Variants in SHOC2 observed in about 807,000 individuals in gnomAD.
SHOC2 encodes the protein SHOC2 leucine rich repeat scaffold protein.
A neutral mutation model predicts 50.2 loss-of-function variants in SHOC2; 4 were observed. The observed-to-expected ratio is 0.08, with a 90% CI of 0.04 to 0.18. The LOEUF (loss-of-function observed/expected upper bound fraction) is 0.18. SHOC2 is among the 10% of genes least tolerant of loss of function. SHOC2 has a pLI of 1.00. For synonymous variants in SHOC2, 218 were observed against 244.5 expected (o/e 0.89, Z 1.01); for missense variants, 388 against 669.6 (o/e 0.58, Z 4.64).
chr10:110,962,565 A>G (rs1847592506), intron 1 of SHOC2, among the ~76,000 whole-genome samples: 1 of 152,166 alleles, frequency 6.6e-6, no homozygotes, highest in Non-Finnish European at 1.5e-5. Context: ...CTTATATACC[A>G]GTAAAGTTCA....
At chr10:110,984,176 A>G (rs1311042935) in intron 2 of SHOC2, among the ~76,000 whole-genome samples, 1 of 152,012 alleles carries the variant, frequency 6.6e-6, no homozygotes, top group Non-Finnish European at 1.5e-5. Context: ...GTTATTTTCT[A>G]TTTTTTGATA....
intron 1 of SHOC2, among the ~76,000 whole-genome samples, chr10:110,923,291 C>T (rs1846691345): frequency 6.6e-6 from 1 of 151,888 alleles, no homozygotes; most frequent in South Asian, 2.1e-4. Flanking sequence ...ATAGAGTGTT[C>T]TTAAAAGTGT....
intron 1 of SHOC2, among the ~76,000 whole-genome samples, chr10:110,954,454 A>G (rs142302177): frequency 7.5e-4 from 114 of 152,320 alleles, no homozygotes; most frequent in Non-Finnish European, 1.4e-3. Context: ...TTTGCAGCAG[A>G]TTCTCAAGTC....
upstream of SHOC2, chr10:110,919,520 TGGCGGGGCG>T (rs1388495056): frequency 1.7e-5 from 2 of 117,702 alleles, no homozygotes; most frequent in South Asian, 4.0e-4. Context: ...GCGAGAGTAG[TGGCGGGGCG>T]GGCGGGGCGG....
At chr10:110,979,293 G>A (rs1847930499) in intron 2 of SHOC2, among the ~76,000 whole-genome samples, 1 of 152,232 alleles carries the variant, frequency 6.6e-6, no homozygotes, top group Non-Finnish European at 1.5e-5. Context: ...ATCAAAGCGT[G>A]TAAGCTAAGA....
intron 2 of SHOC2, among the ~76,000 whole-genome samples, chr10:110,969,911 A>G (rs926800642): frequency 3.9e-5 from 6 of 152,172 alleles, no homozygotes. Flanking sequence ...ATAATGAGAA[A>G]TAATAATTGT....
Position 110,994,989 on chromosome 10 carries a change from A to G in SHOC2, c.842-5426A>G, listed in dbSNP as rs186993724. ...ACCAGATGAACATATATATTTTTCA[A>G]TTATGTCCAATAAAGTCTGTGTTTC... is the stretch of plus-strand genomic sequence containing the variant. On this transcript the variant is annotated intron_variant, in intron 3 of 8. Transcript: ENST00000369452. Among the ~76,000 whole-genome samples the G allele has an allele frequency of 5.9e-5, 9 of 152,320 alleles. No homozygotes were observed. In the East Asian group the frequency reaches 9.6e-4, roughly 16 times the overall value.
chr10:110,978,948 TA>T (rs1172865230), intron 2 of SHOC2, among the ~76,000 whole-genome samples: 8 of 152,280 alleles, frequency 5.3e-5, no homozygotes, highest in Non-Finnish European at 1.0e-4. Context: ...GTGATTGCTG[TA>T]TTAGTTATCT....
chr10:110,923,751 C>T (rs1846701280), intron 1 of SHOC2, among the ~76,000 whole-genome samples: 1 of 152,098 alleles, frequency 6.6e-6, no homozygotes. Context: ...TATAATTGGT[C>T]CCTATGTGAA....
At chr10:110,963,971 G>A (rs1227855954) in intron 1 of SHOC2, among the ~76,000 whole-genome samples, 154 bp from the exon 2 acceptor site, 2 of 152,116 alleles carry the variant, frequency 1.3e-5, no homozygotes, top group Non-Finnish European at 2.9e-5. Flanking sequence ...ATTAAGCTGT[G>A]TAGTTTTAAA....
In SHOC2 at chr10:111,009,353, C is replaced by G. The variant is rs144074390; in HGVS notation, c.1390C>G (p.Pro464Ala). Residue 464 changes from proline to alanine, a missense_variant, in exon 7 of 9, where the codon CCA becomes GCA. Physicochemically the swap from Pro to Ala is conservative, Grantham distance 27 (BLOSUM62 -1). Transcript: ENST00000369452. ...DLEENKLESL[P>A]NEIAYLKDLQ... ...AGAAGAGAACAAATTGGAATCCTTG[C>G]CAAATGAAATTGCATATCTTAAGGA... 6.2e-7 allele frequency: 1 copy of G among 1,610,118 alleles called. No homozygotes were observed. The highest frequency in any genetic ancestry group is 8.5e-7 in the Non-Finnish European group (1 of 1,176,888).
intron 1 of SHOC2, among the ~76,000 whole-genome samples, chr10:110,958,047 A>G (rs1256493889): frequency 6.6e-6 from 1 of 152,186 alleles, no homozygotes; most frequent in African/African-American, 2.4e-5. Context: ...AGGAAAAAAG[A>G]TCCGTCTTCT....
chr10:110,939,020 A>G (rs1182091266), intron 1 of SHOC2, among the ~76,000 whole-genome samples: 12 of 152,214 alleles, frequency 7.9e-5, no homozygotes, highest in Non-Finnish European at 1.5e-5. Flanking sequence ...TGTATTAAAC[A>G]TCAAAAATTG....
intron 3 of SHOC2, among the ~76,000 whole-genome samples, chr10:110,987,858 A>G (rs1219282631): frequency 6.6e-6 from 1 of 152,182 alleles, no homozygotes; most frequent in Non-Finnish European, 1.5e-5. Flanking sequence ...GGAAAATTCC[A>G]TATAACCAAA....
intron 7 of SHOC2, 106 bp downstream of exon 7, chr10:111,009,491 C>CAGGG (rs1848529448): frequency 9.5e-7 from 1 of 1,056,372 alleles, no homozygotes; most frequent in Non-Finnish European, 1.4e-6. Context: ...GATAGACTTT[C>CAGGG]CTATTCTAGT....
intron 3 of SHOC2, among the ~76,000 whole-genome samples, chr10:110,998,078 A>C (rs1848301133): frequency 6.6e-6 from 1 of 151,624 alleles, no homozygotes; most frequent in African/African-American, 2.4e-5. Context: ...AGCTCACGGC[A>C]AACCTCCACG....
chr10:110,972,124 T>C (rs1323995599), intron 2 of SHOC2, among the ~76,000 whole-genome samples: 1 of 150,746 alleles, frequency 6.6e-6, no homozygotes, highest in East Asian at 1.9e-4. Flanking sequence ...TATATTTTAG[T>C]ATTATAGTAT....
At chr10:110,940,910 G>GTT (rs539552844) in intron 1 of SHOC2, among the ~76,000 whole-genome samples, 1 of 119,478 alleles carries the variant, frequency 8.4e-6, no homozygotes, top group East Asian at 2.5e-4. Context: ...TTTGTGGTGG[G>GTT]TTTTTTTTTT....
chr10:110,977,339 C>T (rs963264820), intron 2 of SHOC2, among the ~76,000 whole-genome samples: 1 of 150,876 alleles, frequency 6.6e-6, no homozygotes, highest in African/African-American at 2.4e-5. Context: ...GCAGTCTCTG[C>T]CTTCTGGGTT....
Sources: gnomAD v4.1 joint callset for allele counts (sites outside exome capture counted in the v4.1 genomes callset) on GRCh38, gnomAD v4.1.1 for gene constraint, MANE v1.5 for transcripts, NCBI Gene and HGNC (gene_info 2026-07-23, HGNC 2026-07-21) for gene names.